Variants in FTO observed in about 807,000 individuals in gnomAD.
The protein encoded by FTO is alpha-ketoglutarate-dependent dioxygenase FTO.
Under a neutral mutation model 63.9 loss-of-function variants are expected in FTO, and 47 were observed. The ratio of observed to expected loss-of-function variants is 0.74; its 90% confidence interval spans 0.58 to 0.94. The LOEUF (loss-of-function observed/expected upper bound fraction) is 0.94, where lower values mean the gene tolerates loss of function less well. Ranked by LOEUF, FTO falls within the 40% of genes least tolerant of loss-of-function variation. FTO has a pLI of 0.00. For missense variants in FTO, 562 were observed against 618.1 expected (o/e 0.91, Z 0.96); for synonymous variants, 207 against 224.4 (o/e 0.92, Z 0.69).
chr16:54,062,969 G>T (rs1053840588), intron 8 of FTO, among the ~76,000 whole-genome samples: 10 of 152,236 alleles, frequency 6.6e-5, no homozygotes, highest in Non-Finnish European at 1.2e-4. Context: ...CAAAGTGTGT[G>T]TGTGCACACA....
intron 1 of FTO, among the ~76,000 whole-genome samples, chr16:53,748,495 C>G (rs917815372): frequency 6.6e-6 from 1 of 152,110 alleles, no homozygotes; most frequent in Admixed American, 6.5e-5. Context: ...TTCTCTGTCA[C>G]CCAGGCAGGA....
At position 53,974,908 on chromosome 16, in the gene FTO, G is replaced by A. The variant is rs568117915; in HGVS notation, c.1364+40799G>A. Among the ~76,000 whole-genome samples the A allele has an allele frequency of 2.4e-3, 363 of 152,220 alleles. 3 individuals carry two copies. The highest frequency in any genetic ancestry group is 8.0e-3 in the African/African-American group (333 of 41,534). On this transcript the variant is annotated intron_variant, in intron 8 of 8. Coordinates refer to ENST00000471389, the MANE Select transcript of FTO (RefSeq NM_001080432.3). The stretch of plus-strand genomic sequence containing the variant: ...TATTTCTTCAATCACCCATAGCAAT[G>A]TTTCCATTACAACGTATGCAGAGAA...
intron 5 of FTO, among the ~76,000 whole-genome samples, chr16:53,877,858 G>T (rs1362571): frequency 0.56 from 85,788 of 151,890 alleles, 25,972 homozygotes; most frequent in East Asian, 0.85. Context: ...GCAACCATAC[G>T]TCATTAAACT....
intron 1 of FTO, among the ~76,000 whole-genome samples, chr16:53,796,049 C>CTTTTTT (rs745383491): frequency 7.2e-6 from 1 of 138,432 alleles, no homozygotes. Flanking sequence ...TTCTTTCTTT[C>CTTTTTT]TTTTTTTTTT....
intron 1 of FTO, among the ~76,000 whole-genome samples, chr16:53,716,773 T>G (rs2151478151): frequency 6.6e-6 from 1 of 151,648 alleles, no homozygotes; most frequent in Non-Finnish European, 1.5e-5. Context: ...ATTTTTTATT[T>G]TAGAAAAACT....
At chr16:54,075,983 T>G (rs1156416502) in intron 8 of FTO, among the ~76,000 whole-genome samples, 1 of 152,146 alleles carries the variant, frequency 6.6e-6, no homozygotes, top group East Asian at 1.9e-4. Context: ...CGAGGCCGGA[T>G]TCCCCATCTT....
chr16:53,852,027 A>G (rs1175874371), intron 4 of FTO, among the ~76,000 whole-genome samples: 3 of 149,582 alleles, frequency 2.0e-5, no homozygotes, highest in Non-Finnish European at 4.4e-5. Context: ...TGACAGAAAC[A>G]GGCAGATTGC....
intron 1 of FTO, among the ~76,000 whole-genome samples, chr16:53,735,782 C>T (rs1236928603): frequency 6.6e-6 from 1 of 152,202 alleles, no homozygotes; most frequent in South Asian, 2.1e-4. Context: ...TTGAAATACT[C>T]TACCATCAGT....
intron 8 of FTO, among the ~76,000 whole-genome samples, chr16:54,038,803 G>A (rs936844633): frequency 2.6e-5 from 4 of 152,194 alleles, no homozygotes; most frequent in Admixed American, 6.5e-5. Flanking sequence ...CTCATCAGAA[G>A]CCAAGTAGAT....
chr16:53,882,068 C>CAA (rs145302513), intron 6 of FTO, among the ~76,000 whole-genome samples: 1 of 150,916 alleles, frequency 6.6e-6, no homozygotes, highest in African/African-American at 2.4e-5. Context: ...AATTATACCT[C>CAA]AAAAAAAACC....
chr16:53,724,839 T>A (rs1473510576), intron 1 of FTO, among the ~76,000 whole-genome samples: 4 of 152,178 alleles, frequency 2.6e-5, no homozygotes, highest in Admixed American at 6.5e-5. Flanking sequence ...AATCTGGGAT[T>A]GAGAACAACA....
At chr16:53,780,153 C>T (rs972299715) in intron 1 of FTO, among the ~76,000 whole-genome samples, 9 of 152,156 alleles carry the variant, frequency 5.9e-5, no homozygotes, top group African/African-American at 2.2e-4. Flanking sequence ...CCAGAACAAC[C>T]TGGGTTCTAT....
At chr16:53,730,133 A>C (rs2076239556) in intron 1 of FTO, among the ~76,000 whole-genome samples, 1 of 152,190 alleles carries the variant, frequency 6.6e-6, no homozygotes, top group African/African-American at 2.4e-5. Flanking sequence ...CTTCAGTCAA[A>C]ATATTCCATG....
chr16:53,951,816 T>C (rs1406695821), intron 8 of FTO, among the ~76,000 whole-genome samples: 1 of 150,700 alleles, frequency 6.6e-6, no homozygotes, highest in East Asian at 1.9e-4. Context: ...TCAATCTTGT[T>C]TTTTTTTTTA....
chr16:54,014,930 G>A (rs1016630889), intron 8 of FTO, among the ~76,000 whole-genome samples: 16 of 142,436 alleles, frequency 1.1e-4, no homozygotes, highest in Admixed American at 9.9e-4. Flanking sequence ...ATCACAGCTC[G>A]CTTCAGCCTC....
intron 8 of FTO, among the ~76,000 whole-genome samples, chr16:54,029,268 A>G (rs781384818): frequency 6.6e-6 from 1 of 152,202 alleles, no homozygotes; most frequent in Non-Finnish European, 1.5e-5. Flanking sequence ...AGAGATTTGT[A>G]GCTTGGATGA....
intron 3 of FTO, among the ~76,000 whole-genome samples, chr16:53,832,170 G>A (rs902607250): frequency 2.6e-5 from 4 of 152,258 alleles, no homozygotes; most frequent in Admixed American, 1.3e-4. Context: ...AACCAGCAGT[G>A]GCATCTCCCA....
chr16:53,742,660 G>T (rs976668554), intron 1 of FTO, among the ~76,000 whole-genome samples: 6 of 152,050 alleles, frequency 3.9e-5, no homozygotes, highest in Admixed American at 2.0e-4. Flanking sequence ...TAGCATAAAA[G>T]GAAGAAAAAA....
chr16:53,780,699 C>T (rs141632091), intron 1 of FTO, among the ~76,000 whole-genome samples: 4 of 152,220 alleles, frequency 2.6e-5, no homozygotes, highest in East Asian at 3.9e-4. Flanking sequence ...TTCATTAAAT[C>T]GCTTGATGCA....
Sources: allele counts gnomAD v4.1 joint callset (sites outside exome capture counted in the v4.1 genomes callset), GRCh38; gene constraint gnomAD v4.1.1; transcripts MANE v1.5; gene names NCBI Gene and HGNC (gene_info 2026-07-23, HGNC 2026-07-21).